Variants in CEP290 observed in about 807,000 individuals in gnomAD.
CEP290 encodes centrosomal protein 290.
In CEP290, 317 loss-of-function variants were observed where a neutral mutation model predicts 344.9. That is an observed-to-expected ratio of 0.92 (90% confidence interval 0.84 to 1.01). The LOEUF (loss-of-function observed/expected upper bound fraction) is 1.01, where lower values mean the gene tolerates loss of function less well. Ranked by LOEUF, CEP290 falls within the 50% of genes least tolerant of loss-of-function variation. The pLI, the probability that CEP290 is intolerant of heterozygous loss-of-function variation, is 0.00. For synonymous variants in CEP290, 932 were observed against 895.8 expected, an observed-to-expected ratio of 1.04 and a Z score of -0.72; for missense variants, 2,754 against 2,761.4, an observed-to-expected ratio of 1.00 and a Z score of 0.06.
At chr12:88,064,985 A>C (rs1565800720) in intron 44 of CEP290, among the ~76,000 whole-genome samples, 1 of 151,860 alleles carries the variant, frequency 6.6e-6, no homozygotes, top group East Asian at 1.9e-4. Context: ...TTAATATTAT[A>C]TTTTCATTTC....
chr12:88,093,636 T>C, intron 28 of CEP290, 134 bp downstream of exon 28: 2 of 608,924 alleles, frequency 3.3e-6, no homozygotes, highest in Non-Finnish European at 5.5e-6. Context: ...TTTTATTTAT[T>C]TATTACACAA....
intron 52 of CEP290, among the ~76,000 whole-genome samples, chr12:88,051,310 T>C (rs1396936695): frequency 6.6e-6 from 1 of 151,478 alleles, no homozygotes; most frequent in Non-Finnish European, 1.5e-5. Context: ...GCGATTCTCC[T>C]GCCTTAGCCT....
At chr12:88,124,485 C>T (rs1339612611) in intron 13 of CEP290, among the ~76,000 whole-genome samples, 2 of 152,078 alleles carry the variant, frequency 1.3e-5, no homozygotes, top group African/African-American at 2.4e-5. Context: ...TACACTTACA[C>T]ACACATATGT....
rs755202424 is a variant in CEP290 at position 88,118,749 on chromosome 12, A to G, written c.1523-6T>C. 174 of 1,583,834 alleles carry G rather than the reference A, an allele frequency of 1.1e-4. No individual in the cohort carries two copies. Among genetic ancestry groups the G allele is most frequent in the Non-Finnish European group, 1.4e-4 (167 of 1,161,714 alleles). On this transcript the variant is annotated splice_polypyrimidine_tract_variant and splice_region_variant and intron_variant, in intron 15 of 53. Transcript: ENST00000552810. ...CATTGTCTTTGGTTCAAGGCCTACA[A>G]TAGAAAGCAATATAATTAAAAACTT...
chr12:88,064,361 A>G (rs1040150729), intron 44 of CEP290, among the ~76,000 whole-genome samples: 1 of 152,146 alleles, frequency 6.6e-6, no homozygotes, highest in Non-Finnish European at 1.5e-5. Context: ...ATGTCCATAC[A>G]TATAATGCCT....
chr12:88,118,650 A>C lies in CEP290; in HGVS notation c.1616T>G (p.Leu539Trp). 1 of 1,613,366 alleles carries C rather than the reference A, an allele frequency of 6.2e-7. No individual in the cohort carries two copies. Among genetic ancestry groups the C allele is most frequent in the South Asian group, 1.1e-5 (1 of 91,070 alleles). ...QQYRAENQIL[L>W]KEIESLEEER... ...ACTGACTACCACACTTGCCTCTTTC[A>C]AAAGAATCTGGTTTTCAGCTCTGTA... The change falls in exon 16 of 54, where the codon TTG becomes TGG. Residue 539 changes from leucine to tryptophan, a missense_variant. Coordinates refer to ENST00000552810, the MANE Select transcript of CEP290 (RefSeq NM_025114.4).
intron 11 of CEP290, among the ~76,000 whole-genome samples, chr12:88,127,274 G>T (rs1299417075): frequency 6.6e-6 from 1 of 152,134 alleles, no homozygotes; most frequent in Non-Finnish European, 1.5e-5. Context: ...GATCACTTGA[G>T]GCCAGGGGTT....
chr12:88,049,316 C>A lies in CEP290; in HGVS notation c.7308G>T (p.Lys2436Asn). The A allele has an allele frequency of 1.9e-6, 3 of 1,584,564 alleles. No individual in the cohort carries two copies. Among genetic ancestry groups the A allele is most frequent in the Non-Finnish European group, 2.6e-6 (3 of 1,156,896 alleles). The change falls in exon 54 of 54, where the codon AAG becomes AAT. Residue 2436 changes from lysine to asparagine, a missense_variant. Lys to Asn is a moderately conservative substitution (Grantham distance 94). Coordinates refer to ENST00000552810, the MANE Select transcript of CEP290 (RefSeq NM_025114.4). ...CCTTCTCTTCTAAGAGAATATTCTT[C>A]TTCACTTCTTCCTTGTAATTATACT... The part of the protein sequence containing the change: ...DLKYNYKEEV[K>N]KNILLEEKVK...
Position 88,072,265 on chromosome 12 carries a change from T to A in CEP290, c.5710-339A>T, listed in dbSNP as rs576196065. ...GGAGGTAGTATTATACAATATTTTT[T>A]AATAATTTTGTACATGAAACAAAGT... On this transcript the variant is annotated intron_variant, in intron 41 of 53. Transcript: ENST00000552810. Among the ~76,000 whole-genome samples, 40 of 152,264 alleles carry A rather than the reference T, an allele frequency of 2.6e-4. 1 individual carries two copies. The South Asian group carries it at 6.8e-3, about 26-fold the overall frequency.
intron 27 of CEP290, among the ~76,000 whole-genome samples, chr12:88,096,339 C>T (rs1336889509): frequency 2.0e-5 from 3 of 151,846 alleles, no homozygotes; most frequent in Non-Finnish European, 2.9e-5. Context: ...TGAGCCACTG[C>T]GCCGGCCATA....
rs1408808578 is a variant in CEP290 at position 88,130,252 on chromosome 12, C to T, written c.669+16G>A. 2.5e-6 allele frequency: 4 copies of T among 1,589,268 alleles called. No individual in the cohort carries two copies. In the African/African-American group the frequency reaches 5.5e-5, roughly 22 times the overall value. On this transcript the variant is annotated intron_variant, in intron 9 of 53. Coordinates refer to ENST00000552810, the MANE Select transcript of CEP290 (RefSeq NM_025114.4). ...TTTAGGAACCATTGCTCTGAATTGA[C>T]TTCTAGCCATTTTACCTGAATTTCA... is the stretch of plus-strand genomic sequence containing the variant.
In CEP290 at chr12:88,050,405, T is replaced by C. The variant is rs748512159; in HGVS notation, c.7158A>G (p.Lys2386=). Residue 2386 remains lysine, a synonymous_variant, in exon 53 of 54, where the codon AAA becomes AAG. Transcript: ENST00000552810. ...PDADQLKEKI[K]DLETQLKMSD... is the part of the protein sequence containing the mutation. The stretch of plus-strand genomic sequence containing the variant: ...ACATTTTGAGCTGTGTCTCTAGATC[T>C]TTTATTTTTTCCTTTAGTTGATCAG... 2 of 1,561,296 alleles carry C rather than the reference T, an allele frequency of 1.3e-6. No individual in the cohort carries two copies. The highest frequency in any genetic ancestry group is 8.8e-7 in the Non-Finnish European group (1 of 1,142,734).
At chr12:88,137,563 T>A (rs1398347968) in intron 5 of CEP290, among the ~76,000 whole-genome samples, 1 of 152,216 alleles carries the variant, frequency 6.6e-6, no homozygotes, top group Non-Finnish European at 1.5e-5. Flanking sequence ...CTTAACCAAA[T>A]TGTTCTTACT....
intron 41 of CEP290, among the ~76,000 whole-genome samples, chr12:88,076,748 A>T (rs886258456): frequency 6.6e-6 from 1 of 152,098 alleles, no homozygotes; most frequent in African/African-American, 2.4e-5. Context: ...TACTGAAGAT[A>T]TTCCAAATAA....
At chr12:88,109,002 C>T (rs1005957014) in intron 23 of CEP290, 64 bp downstream of exon 23, 14 of 562,342 alleles carry the variant, frequency 2.5e-5, no homozygotes, top group East Asian at 1.4e-4. Flanking sequence ...ATTATTCTTA[C>T]GTTACTTTCA....
intron 38 of CEP290, 22 bp from the exon 39 acceptor site, chr12:88,079,251 A>T: frequency 6.4e-7 from 1 of 1,560,070 alleles, no homozygotes. Flanking sequence ...CCAAAAAAAA[A>T]ATGTAATTTT....
chr12:88,107,925 C>G (rs927738741), intron 23 of CEP290, among the ~76,000 whole-genome samples: 1 of 150,558 alleles, frequency 6.6e-6, no homozygotes, highest in Non-Finnish European at 1.5e-5. Flanking sequence ...AAAAAGTATG[C>G]GAGGTAATAC....
At chr12:88,132,219 TC>T (rs552385078) in intron 6 of CEP290, among the ~76,000 whole-genome samples, 141 of 152,350 alleles carry the variant, frequency 9.3e-4, no homozygotes, top group African/African-American at 3.3e-3. Flanking sequence ...ATGCCTTTTT[TC>T]ACCTATTCTC....
At chr12:88,115,527 C>CA in intron 18 of CEP290, 1 of 1,294,084 alleles carries the variant, frequency 7.7e-7, no homozygotes, top group South Asian at 1.2e-5. Flanking sequence ...TGCATTTCTA[C>CA]ACTCTGCTTC....
Sources: gnomAD v4.1 joint callset for allele counts (sites outside exome capture counted in the v4.1 genomes callset) on GRCh38, gnomAD v4.1.1 for gene constraint, MANE v1.5 for transcripts, NCBI Gene and HGNC (gene_info 2026-07-23, HGNC 2026-07-21) for gene names.